Variants in BLTP3B observed in about 807,000 individuals in gnomAD.
BLTP3B encodes the protein bridge-like lipid transfer protein family member 3B.
the BLTP3B span, among the ~76,000 whole-genome samples, chr12:100,079,937 C>T: frequency 6.6e-6 from 1 of 152,216 alleles, no homozygotes; most frequent in African/African-American, 2.4e-5. Context: ...AAGCCCCAAC[C>T]CTGGCAGCTT....
the BLTP3B span, among the ~76,000 whole-genome samples, chr12:100,113,883 A>T: frequency 3.3e-5 from 5 of 152,140 alleles, no homozygotes; most frequent in African/African-American, 9.7e-5. Flanking sequence ...TTAACAATGC[A>T]TGTTAGATTG....
chr12:100,049,625 T>C, the BLTP3B span, among the ~76,000 whole-genome samples: 1 of 152,154 alleles, frequency 6.6e-6, no homozygotes, highest in African/African-American at 2.4e-5. Context: ...AATGCAAGAG[T>C]TCAAATCTAA....
the BLTP3B span, among the ~76,000 whole-genome samples, chr12:100,135,650 T>A: frequency 0.014 from 2,110 of 152,298 alleles, 18 homozygotes; most frequent in Non-Finnish European, 0.021. Flanking sequence ...GTACTTCTCA[T>A]CCCCTTTCCC....
chr12:100,045,078 C>G, the BLTP3B span, among the ~76,000 whole-genome samples: 2 of 152,122 alleles, frequency 1.3e-5, no homozygotes, highest in Non-Finnish European at 2.9e-5. Flanking sequence ...AACTACAAAC[C>G]ACTGCTCAAT....
At chr12:100,060,828 TAA>T in the BLTP3B span, among the ~76,000 whole-genome samples, 1 of 152,206 alleles carries the variant, frequency 6.6e-6, no homozygotes, top group Non-Finnish European at 1.5e-5. Flanking sequence ...CTACAAAAGC[TAA>T]AGTTATGCAT....
the BLTP3B span, chr12:100,097,367 T>G: frequency 1.2e-6 from 2 of 1,609,348 alleles, no homozygotes; most frequent in African/African-American, 1.3e-5. Flanking sequence ...TGACTCACCC[T>G]TCTTTTAAGT....
the BLTP3B span, chr12:100,108,379 G>A: frequency 1.2e-6 from 2 of 1,607,096 alleles, no homozygotes; most frequent in Non-Finnish European, 1.7e-6. Flanking sequence ...AGATATCAAA[G>A]TCTCACCCTA....
chr12:100,088,223 T>C, the BLTP3B span, among the ~76,000 whole-genome samples: 1 of 152,196 alleles, frequency 6.6e-6, no homozygotes, highest in South Asian at 2.1e-4. Flanking sequence ...CTGATTCTAA[T>C]GCTCACCAAA....
At chr12:100,140,721 AAAAAAAAAATAT>A in the BLTP3B span, among the ~76,000 whole-genome samples, 16 of 108,286 alleles carry the variant, frequency 1.5e-4, no homozygotes, top group Non-Finnish European at 2.3e-4. Flanking sequence ...AAAAAAAAAA[AAAAAAAAAATAT>A]ATATATATAT....
the BLTP3B span, among the ~76,000 whole-genome samples, chr12:100,124,552 G>A: frequency 1.3e-5 from 2 of 151,762 alleles, no homozygotes; most frequent in African/African-American, 4.8e-5. Flanking sequence ...AGACCAGCCT[G>A]ACCAACATTG....
the BLTP3B span, among the ~76,000 whole-genome samples, chr12:100,086,029 AT>A: frequency 6.6e-6 from 1 of 152,142 alleles, no homozygotes; most frequent in African/African-American, 2.4e-5. Flanking sequence ...TAAATTGGTT[AT>A]TTGGAAAACT....
the BLTP3B span, among the ~76,000 whole-genome samples, chr12:100,137,061 T>C: frequency 6.6e-6 from 1 of 152,200 alleles, no homozygotes; most frequent in Non-Finnish European, 1.5e-5. Context: ...TCCACCCGCC[T>C]CAGCCTCCCA....
chr12:100,094,200 G>A, the BLTP3B span, among the ~76,000 whole-genome samples: 1 of 152,130 alleles, frequency 6.6e-6, no homozygotes, highest in Non-Finnish European at 1.5e-5. Flanking sequence ...GACCTCCTGG[G>A]TTCAAACAAT....
At chr12:100,065,283 A>G in the BLTP3B span, among the ~76,000 whole-genome samples, 1 of 152,086 alleles carries the variant, frequency 6.6e-6, no homozygotes, top group African/African-American at 2.4e-5. Flanking sequence ...TGTTTGAACA[A>G]TATGAAATCA....
At chr12:100,129,581 CA>C in the BLTP3B span, among the ~76,000 whole-genome samples, 972 of 152,232 alleles carry the variant, frequency 6.4e-3, 2 homozygotes, top group Non-Finnish European at 0.012. Flanking sequence ...TAACAAAAAA[CA>C]AGGCATTTGT....
chr12:100,095,296 A>G, the BLTP3B span, among the ~76,000 whole-genome samples: 1 of 152,196 alleles, frequency 6.6e-6, no homozygotes, highest in African/African-American at 2.4e-5. Flanking sequence ...TATGGCTTTG[A>G]TTCTCTGCAC....
chr12:100,133,601 C>A, the BLTP3B span, among the ~76,000 whole-genome samples: 1 of 152,210 alleles, frequency 6.6e-6, no homozygotes, highest in African/African-American at 2.4e-5. Flanking sequence ...TACCATTCAA[C>A]ACTATCTGTG....
the BLTP3B span, among the ~76,000 whole-genome samples, chr12:100,066,495 G>C: frequency 1.3e-5 from 2 of 151,964 alleles, no homozygotes; most frequent in African/African-American, 4.8e-5. Flanking sequence ...AGAAACAATG[G>C]ATTTAAACTA....
At chr12:100,084,515 T>C in the BLTP3B span, 1 of 1,613,864 alleles carries the variant, frequency 6.2e-7, no homozygotes, top group Non-Finnish European at 8.5e-7. Context: ...GTTGGGGATT[T>C]AGGAGGTGAA....
Sources: gnomAD v4.1 joint callset for allele counts (sites outside exome capture counted in the v4.1 genomes callset) on GRCh38, gnomAD v4.1.1 for gene constraint, MANE v1.5 for transcripts, NCBI Gene and HGNC (gene_info 2026-07-23, HGNC 2026-07-21) for gene names.